TCN2: variants seen among roughly 807,000 people sequenced by gnomAD.
TCN2 encodes the protein transcobalamin 2.
Under a neutral mutation model 48.6 loss-of-function variants are expected in TCN2, and 34 were observed. The observed-to-expected ratio is 0.70, with a 90% CI of 0.53 to 0.93. TCN2 has a LOEUF of 0.93. TCN2 is among the 40% of genes least tolerant of loss of function. The pLI, the probability that TCN2 is intolerant of heterozygous loss-of-function variation, is 0.00. For missense variants in TCN2, 652 were observed against 526.1 expected (o/e 1.24, Z -2.34); for synonymous variants, 283 against 212.5 (o/e 1.33, Z -2.89).
At chr22:30,618,267 T>A (rs1288228174) in intron 7 of TCN2, among the ~76,000 whole-genome samples, 1 of 90,952 alleles carries the variant, frequency 1.1e-5, no homozygotes, top group Non-Finnish European at 2.1e-5. Flanking sequence ...TAACTGGTTT[T>A]TTTTGTTTTT....
At position 30,623,050 on chromosome 22, in the gene TCN2, C is replaced by A; in HGVS notation, c.1189C>A (p.Leu397Ile). 6.2e-7 allele frequency: 1 copy of A among 1,614,012 alleles called. No homozygotes were observed. The highest frequency in any genetic ancestry group is 8.5e-7 in the Non-Finnish European group (1 of 1,179,998). ...KAAGEREFWQLLRDPNTPLLQ... is the reference protein window; with the variant it reads ...KAAGEREFWQILRDPNTPLLQ... ...GGCCGGAGAAAGGGAGTTCTGGCAG[C>A]TTCTCCGAGACCCCAACACCCCACT... Residue 397 changes from leucine (L) to isoleucine (I), a missense_variant, in exon 8 of 9, where the codon CTT becomes ATT. Coordinates refer to ENST00000215838, the MANE Select transcript of TCN2 (RefSeq NM_000355.4).
intron 7 of TCN2, among the ~76,000 whole-genome samples, chr22:30,620,497 A>G (rs2087682872): frequency 3.9e-5 from 6 of 152,224 alleles, no homozygotes; most frequent in African/African-American, 1.2e-4. Flanking sequence ...TTCATTCACT[A>G]TGAGGGCCAC....
chr22:30,619,341 A>G (rs1375451842), intron 7 of TCN2, among the ~76,000 whole-genome samples: 1 of 152,244 alleles, frequency 6.6e-6, no homozygotes, highest in African/African-American at 2.4e-5. Context: ...TGGCCTCCCA[A>G]AGTGCTGAGA....
In TCN2 at chr22:30,623,311, ACT is replaced by A. The variant is rs2087726218; in HGVS notation, c.1222+229_1222+230del. On this transcript the variant is annotated intron_variant, in intron 8 of 8. Coordinates refer to ENST00000215838, the MANE Select transcript of TCN2 (RefSeq NM_000355.4). ...AGACAGATTACAAAAAAAAAAAAAA[ACT>A]AGAAGAAAATTAACATCACCTAGGA... The A allele has an allele frequency of 4.3e-5, 23 of 528,848 alleles. 3 individuals carry two copies. The Admixed American group carries it at 6.0e-4, about 14-fold the overall frequency. The allele number at this position is 528,848 out of a possible 1,614,324, so 32.8% of individuals were successfully genotyped here. A position where few individuals can be genotyped will look rare whatever the true frequency, so the allele number is the denominator to read the frequency against.
chr22:30,616,966 C>T (rs966850261), intron 6 of TCN2, among the ~76,000 whole-genome samples: 2 of 151,164 alleles, frequency 1.3e-5, no homozygotes, highest in Non-Finnish European at 2.9e-5. Context: ...AAGGTGAGCG[C>T]ATCAGGGTAA....
At chr22:30,611,324 G>A in intron 2 of TCN2, among the ~76,000 whole-genome samples, 1 of 152,308 alleles carries the variant, frequency 6.6e-6, no homozygotes. Context: ...TATACTCTTT[G>A]ATGATGAGCC....
chr22:30,626,409 G>A, intron 8 of TCN2, 51 bp from the exon 9 acceptor site: 2 of 1,588,338 alleles, frequency 1.3e-6, no homozygotes, highest in East Asian at 2.2e-5. Flanking sequence ...GAGGTTGCGG[G>A]GTGCGATATT....
At position 30,608,015 on chromosome 22, in the gene TCN2, G is replaced by A. The variant is rs72556574; in HGVS notation, c.64+620G>A. ...TCTAGGCAGCAGGAAGTGAGCCTTC[G>A]GAGGTCCTGCCTGCTCCAGCTCTGT... On this transcript the variant is annotated intron_variant, in intron 1 of 8. Transcript: ENST00000215838. 8.0e-3 allele frequency among the ~76,000 whole-genome samples: 1,218 copies of A among 152,262 alleles called. 5 individuals are homozygous for A. The highest frequency in any genetic ancestry group is 0.012 in the Non-Finnish European group (848 of 68,004).
In TCN2 at chr22:30,622,572, C is replaced by T. The variant is rs2087714399; in HGVS notation, c.1107-396C>T. On this transcript the variant is annotated intron_variant, in intron 7 of 8. Transcript: ENST00000215838. ...TGTCTCTGCCTCCACTTCCCATGACCCTGCCTGTCTCTGTATGCAGGCTTC... is the reference window on the plus strand; with the variant it reads ...TGTCTCTGCCTCCACTTCCCATGACTCTGCCTGTCTCTGTATGCAGGCTTC... 1.3e-5 allele frequency among the ~76,000 whole-genome samples: 2 copies of T among 152,154 alleles called. 1 individual carries two copies. Among genetic ancestry groups the T allele is most frequent in the South Asian group, 4.1e-4 (2 of 4,828 alleles).
At chr22:30,608,167 G>A (rs903659290) in intron 1 of TCN2, among the ~76,000 whole-genome samples, 17 of 152,154 alleles carry the variant, frequency 1.1e-4, no homozygotes, top group Admixed American at 6.5e-4. Flanking sequence ...CCGCCCACGC[G>A]CCTTTTCTCC....
At position 30,615,411 on chromosome 22, in the gene TCN2, T is replaced by C. The variant is rs772537043; in HGVS notation, c.691T>C (p.Leu231=). ...MAIRTVREEI[L]KAQTPEGHFG... is the part of the protein sequence containing the mutation. ...CATCAGAACAGTGCGAGAGGAGATCTTGAAGGCCCAGACCCCCGAGGGCCA... is the reference window on the plus strand; with the variant it reads ...CATCAGAACAGTGCGAGAGGAGATCCTGAAGGCCCAGACCCCCGAGGGCCA... The change falls in exon 5 of 9, where the codon TTG becomes CTG. Residue 231 remains leucine, a synonymous_variant. Coordinates refer to ENST00000215838, the MANE Select transcript of TCN2 (RefSeq NM_000355.4). The C allele has an allele frequency of 1.2e-6, 2 of 1,614,136 alleles. No individual in the cohort carries two copies. The highest frequency in any genetic ancestry group is 3.3e-5 in the Admixed American group (2 of 60,016).
rs539058437 is a variant in TCN2 at position 30,622,326 on chromosome 22, C to T, written c.1107-642C>T. ...TTTAAGAGGCTTCCTGTGGCAGTGG[C>T]ATCCAGACGGAGTGCAGAAACTCAA... is the stretch of plus-strand genomic sequence containing the variant. On this transcript the variant is annotated intron_variant, in intron 7 of 8. Transcript: ENST00000215838. Among the ~76,000 whole-genome samples the T allele has an allele frequency of 2.4e-3, 364 of 152,318 alleles. 2 individuals carry two copies. The highest frequency in any genetic ancestry group is 8.2e-3 in the African/African-American group (341 of 41,564).
At chr22:30,610,277 GTTCACCAGGCAGCCTCAA>G (rs1569038024) in intron 1 of TCN2, 1 of 471,190 alleles carries the variant, frequency 2.1e-6, no homozygotes. Context: ...CATGGAGGAA[GTTCACCAGGCAGCCTCAA>G]TTCACCAGCT....
chr22:30,621,504 A>G (rs547195585), intron 7 of TCN2, among the ~76,000 whole-genome samples: 108 of 151,976 alleles, frequency 7.1e-4, no homozygotes, highest in Middle Eastern at 3.4e-3. Flanking sequence ...TGTTTTTGAG[A>G]AGCAGTCTTG....
chr22:30,623,699 A>T (rs1032792542), intron 8 of TCN2, among the ~76,000 whole-genome samples: 3 of 115,754 alleles, frequency 2.6e-5, no homozygotes, highest in Non-Finnish European at 5.3e-5. Flanking sequence ...ATATATATGA[A>T]ATATATATAT....
chr22:30,611,269 C>T (rs2087536549), intron 2 of TCN2, among the ~76,000 whole-genome samples: 1 of 152,226 alleles, frequency 6.6e-6, no homozygotes, highest in Non-Finnish European at 1.5e-5. Flanking sequence ...CCTTTTGCTA[C>T]TACTGTCCAT....
intron 1 of TCN2, chr22:30,610,315 C>T (rs1195413276): frequency 1.3e-5 from 6 of 470,314 alleles, no homozygotes; most frequent in Non-Finnish European, 2.6e-5. Flanking sequence ...TGGAAGTTTG[C>T]GTTGTTTGGA....
chr22:30,614,592 C>A, intron 4 of TCN2, 91 bp downstream of exon 4: 1 of 1,556,908 alleles, frequency 6.4e-7, no homozygotes, highest in East Asian at 2.3e-5. Context: ...CCCCCACACT[C>A]ACCTTTCCTT....
intron 7 of TCN2, among the ~76,000 whole-genome samples, chr22:30,618,966 T>A (rs1031229527): frequency 6.6e-6 from 1 of 152,070 alleles, no homozygotes; most frequent in African/African-American, 2.4e-5. Context: ...GATGGAATTT[T>A]GCCATTTTGG....
Sources: allele counts gnomAD v4.1 joint callset (sites outside exome capture counted in the v4.1 genomes callset), GRCh38; gene constraint gnomAD v4.1.1; transcripts MANE v1.5; gene names NCBI Gene and HGNC (gene_info 2026-07-23, HGNC 2026-07-21).